Variants in MED13L observed in about 807,000 individuals in gnomAD.
MED13L encodes mediator complex subunit 13L, also known as mediator of RNA polymerase II transcription subunit 13-like.
MED13L carries 7 observed loss-of-function variants against 220.9 expected under a neutral mutation model. The observed-to-expected ratio is 0.03, with a 90% CI of 0.02 to 0.06. MED13L has a LOEUF of 0.06. Among genes scored for constraint, MED13L ranks in the 10% least tolerant of loss-of-function variants. The pLI, the probability that MED13L is intolerant of heterozygous loss-of-function variation, is 1.00. For synonymous variants in MED13L, 1,011 were observed against 1,015.2 expected, an observed-to-expected ratio of 1.00 and a Z score of 0.08; for missense variants, 1,965 against 2,760.5, an observed-to-expected ratio of 0.71 and a Z score of 6.46.
intron 2 of MED13L, among the ~76,000 whole-genome samples, chr12:116,191,711 T>C (rs1356438463): frequency 6.6e-6 from 1 of 152,068 alleles, no homozygotes; most frequent in African/African-American, 2.4e-5. Context: ...CCAGGCCCGG[T>C]GGCTCACATC....
chr12:116,236,226 C>G (rs1870062841), intron 2 of MED13L, among the ~76,000 whole-genome samples: 2 of 152,114 alleles, frequency 1.3e-5, no homozygotes, highest in East Asian at 3.8e-4. Context: ...CAATGTCACC[C>G]ACAATGGTTC....
intron 22 of MED13L, chr12:115,981,962 T>C (rs1877360238): frequency 5.0e-6 from 1 of 201,628 alleles, no homozygotes; most frequent in Non-Finnish European, 1.0e-5. Flanking sequence ...AATCAAAAAA[T>C]CTGAAATCCA....
chr12:116,018,898 A>T (rs1879885457), intron 7 of MED13L, among the ~76,000 whole-genome samples: 1 of 128,930 alleles, frequency 7.8e-6, no homozygotes, highest in African/African-American at 2.9e-5. Context: ...GTTCAAAATT[A>T]AAAAAAAAAA....
chr12:116,097,105 T>G (rs1872693213), intron 3 of MED13L, among the ~76,000 whole-genome samples: 1 of 152,058 alleles, frequency 6.6e-6, no homozygotes, highest in Non-Finnish European at 1.5e-5. Flanking sequence ...CAGCATTTCT[T>G]AAGAGAACTT....
intron 2 of MED13L, among the ~76,000 whole-genome samples, chr12:116,148,339 TATTAAA>T (rs965093981): frequency 1.3e-5 from 2 of 151,838 alleles, no homozygotes; most frequent in Non-Finnish European, 2.9e-5. Context: ...CAAAGCCATA[TATTAAA>T]ATTATTTATA....
At chr12:116,136,219 G>A (rs1250271010) in intron 2 of MED13L, among the ~76,000 whole-genome samples, 1 of 152,040 alleles carries the variant, frequency 6.6e-6, no homozygotes, top group African/African-American at 2.4e-5. Context: ...TCTTTTGGCT[G>A]TTGTTGTGTC....
intron 4 of MED13L, among the ~76,000 whole-genome samples, chr12:116,061,531 AATAAG>A (rs1869481840): frequency 6.6e-6 from 1 of 152,154 alleles, no homozygotes; most frequent in African/African-American, 2.4e-5. Flanking sequence ...ATAAACATAA[AATAAG>A]ATAAAATAAG....
Position 115,980,896 on chromosome 12 carries a change from G to C in MED13L, c.5218C>G (p.Gln1740Glu). 1 of 1,613,046 alleles carries C rather than the reference G, an allele frequency of 6.2e-7. No homozygotes were observed. Among genetic ancestry groups the C allele is most frequent in the African/African-American group, 1.3e-5 (1 of 74,934 alleles). ...TTCAAGTATTGAATGTAGAAAACTT[G>C]CTCATCCTTCATTGTCTGCAGCATG... ...QYMLQTMKDE[Q>E]VFYIQYLKSM... Residue 1740 changes from glutamine (Q) to glutamate (E), a missense_variant, in exon 23 of 31, where the codon CAA (glutamine) becomes GAA (glutamate). This residue lies in a region of MED13L where 510 missense variants were observed against 620.4 expected (regional missense o/e 0.82). Coordinates refer to ENST00000281928, the MANE Select transcript of MED13L (RefSeq NM_015335.5).
At chr12:115,967,722 C>A (rs1465388410) in intron 28 of MED13L, among the ~76,000 whole-genome samples, 2 of 152,200 alleles carry the variant, frequency 1.3e-5, no homozygotes, top group Non-Finnish European at 2.9e-5. Flanking sequence ...TTGTCTTTAA[C>A]AGACTGTGGG....
At chr12:116,242,297 G>C (rs1390135466) in intron 1 of MED13L, among the ~76,000 whole-genome samples, 1 of 151,990 alleles carries the variant, frequency 6.6e-6, no homozygotes, top group Non-Finnish European at 1.5e-5. Flanking sequence ...CGCTTGCCTT[G>C]GCCTCCCAAA....
Position 115,980,747 on chromosome 12 carries a change from T to C in MED13L, c.5364+3A>G. 1 of 1,613,872 alleles carries C rather than the reference T, an allele frequency of 6.2e-7. No individual in the cohort carries two copies. Among genetic ancestry groups the C allele is most frequent in the South Asian group, 1.1e-5 (1 of 91,088 alleles). ...TCTAAGTTTCTGTCCTGCCAATACC[T>C]ACCTCAGGGTTCTTGAGGGTCATCT... is the stretch of plus-strand genomic sequence containing the variant. On this transcript the variant is annotated splice_donor_region_variant and intron_variant, in intron 23 of 30. Transcript: ENST00000281928.
At chr12:116,152,089 A>G (rs559479185) in intron 2 of MED13L, among the ~76,000 whole-genome samples, 2 of 152,246 alleles carry the variant, frequency 1.3e-5, no homozygotes, top group South Asian at 2.1e-4. Context: ...TCTATCCTAC[A>G]TGGAAATATA....
At chr12:116,206,871 T>G (rs933701645) in intron 2 of MED13L, among the ~76,000 whole-genome samples, 1 of 152,162 alleles carries the variant, frequency 6.6e-6, no homozygotes, top group Non-Finnish European at 1.5e-5. Flanking sequence ...AATTATAAAA[T>G]GATTAACTTT....
At chr12:116,025,578 C>A (rs778341531) in intron 4 of MED13L, among the ~76,000 whole-genome samples, 1 of 152,260 alleles carries the variant, frequency 6.6e-6, no homozygotes, top group African/African-American at 2.4e-5. Context: ...TTTGAGACAA[C>A]ATGGATGAAC....
intron 4 of MED13L, among the ~76,000 whole-genome samples, chr12:116,076,141 C>T (rs1870779930): frequency 6.6e-6 from 1 of 152,110 alleles, no homozygotes. Flanking sequence ...TCTCGATCTC[C>T]TGACCTCGTG....
intron 4 of MED13L, among the ~76,000 whole-genome samples, chr12:116,029,971 T>C (rs1880635163): frequency 6.6e-6 from 1 of 151,980 alleles, no homozygotes; most frequent in Non-Finnish European, 1.5e-5. Flanking sequence ...GTTTGTTTGT[T>C]TGTTTGTTTG....
At chr12:116,272,671 CCCTA>C in intron 1 of MED13L, among the ~76,000 whole-genome samples, 1 of 152,274 alleles carries the variant, frequency 6.6e-6, no homozygotes, top group East Asian at 1.9e-4. Context: ...AAAGAATAGG[CCCTA>C]CCTAACTTCT....
intron 4 of MED13L, among the ~76,000 whole-genome samples, chr12:116,069,075 G>A (rs1251777696): frequency 6.6e-6 from 1 of 152,162 alleles, no homozygotes; most frequent in African/African-American, 2.4e-5. Flanking sequence ...CTCATTCAAT[G>A]TGGACATCTT....
intron 4 of MED13L, among the ~76,000 whole-genome samples, chr12:116,080,995 G>A (rs961712077): frequency 6.6e-6 from 1 of 152,140 alleles, no homozygotes; most frequent in Non-Finnish European, 1.5e-5. Flanking sequence ...TGATTTAAGG[G>A]AACATACTTT....
Sources: gnomAD v4.1 joint callset for allele counts (sites outside exome capture counted in the v4.1 genomes callset) on GRCh38, gnomAD v4.1.1 for gene constraint, gnomAD v4.1.1 regional missense constraint, MANE v1.5 for transcripts, NCBI Gene and HGNC (gene_info 2026-07-23, HGNC 2026-07-21) for gene names.